STAC: variants seen among roughly 807,000 people sequenced by gnomAD.
STAC encodes the protein SH3 and cysteine rich domain, also known as SH3 and cysteine-rich domain-containing protein.
A neutral mutation model predicts 48.8 loss-of-function variants in STAC; 43 were observed. That is an observed-to-expected ratio of 0.88 (90% confidence interval 0.69 to 1.14). STAC has a LOEUF of 1.14. Ranked by LOEUF, STAC falls within the 50% of genes most tolerant of loss-of-function variation. The pLI is 0.00. For synonymous variants in STAC, 193 were observed against 179.5 expected (o/e 1.07, Z -0.60); for missense variants, 497 against 504.0 (o/e 0.99, Z 0.13).
chr3:36,430,165 A>C (rs1700665430), intron 1 of STAC, among the ~76,000 whole-genome samples: 1 of 152,228 alleles, frequency 6.6e-6, no homozygotes, highest in Admixed American at 6.5e-5. Context: ...TACTCAACAT[A>C]GAATGCCTAT....
At position 36,526,003 on chromosome 3, in the gene STAC, C is replaced by T. The variant is rs79681952; in HGVS notation, c.921-2693C>T. 1.7e-4 allele frequency among the ~76,000 whole-genome samples: 26 copies of T among 152,272 alleles called. No homozygotes were observed. In the East Asian group the frequency reaches 4.8e-3, roughly 28 times the overall value. On this transcript the variant is annotated intron_variant, in intron 8 of 10. Transcript: ENST00000273183. The stretch of plus-strand genomic sequence containing the variant: ...AGAAAATACATTTTTTTTAACACAT[C>T]TATAACAGTACTAGAAAACAAGAAC...
intron 1 of STAC, among the ~76,000 whole-genome samples, chr3:36,415,759 G>A (rs766809883): frequency 2.6e-5 from 4 of 152,104 alleles, no homozygotes; most frequent in African/African-American, 4.8e-5. Flanking sequence ...TCTTGGAACC[G>A]CCCTAGATAT....
chr3:36,420,818 T>C (rs1317039773), intron 1 of STAC, among the ~76,000 whole-genome samples: 1 of 152,250 alleles, frequency 6.6e-6, no homozygotes, highest in Non-Finnish European at 1.5e-5. Flanking sequence ...ATCTGTTTCA[T>C]TAAGTATTTG....
intron 2 of STAC, among the ~76,000 whole-genome samples, chr3:36,479,121 A>G (rs756904462): frequency 6.6e-6 from 1 of 152,076 alleles, no homozygotes; most frequent in Non-Finnish European, 1.5e-5. Flanking sequence ...CATTTTTCTG[A>G]GTCATATTCT....
chr3:36,460,102 A>G (rs1416824051), intron 2 of STAC, among the ~76,000 whole-genome samples: 1 of 152,082 alleles, frequency 6.6e-6, no homozygotes, highest in Non-Finnish European at 1.5e-5. Flanking sequence ...TAGTTCTTCT[A>G]TGCAAAGGAA....
At chr3:36,433,955 A>G (rs1030626272) in intron 1 of STAC, among the ~76,000 whole-genome samples, 4 of 152,378 alleles carry the variant, frequency 2.6e-5, no homozygotes, top group Non-Finnish European at 5.9e-5. Context: ...ACTAAAGCAA[A>G]TCAGTACCTG....
At chr3:36,481,235 G>T (rs1697638137) in intron 2 of STAC, among the ~76,000 whole-genome samples, 1 of 152,188 alleles carries the variant, frequency 6.6e-6, no homozygotes, top group African/African-American at 2.4e-5. Flanking sequence ...GGATTGGCCT[G>T]AGATTAAGTT....
chr3:36,473,308 A>C (rs1697393727), intron 2 of STAC, among the ~76,000 whole-genome samples: 1 of 152,094 alleles, frequency 6.6e-6, no homozygotes, highest in Non-Finnish European at 1.5e-5. Context: ...CAGGCAAACC[A>C]TATAGCCTGT....
At chr3:36,529,135 T>C in intron 10 of STAC, 150 bp downstream of exon 10, 2 of 831,502 alleles carry the variant, frequency 2.4e-6, no homozygotes, top group Non-Finnish European at 3.4e-6. Flanking sequence ...GATGTCAGTG[T>C]TGTAGGAGCT....
rs567404323 is a variant in STAC at position 36,451,166 on chromosome 3, T to A, written c.388+7526T>A. The stretch of plus-strand genomic sequence containing the variant: ...TACTGTGTTTCACATGTGGTTTCTG[T>A]GTTCTTTCTTTTTAATAGCTTCTCA... On this transcript the variant is annotated intron_variant, in intron 2 of 10. Transcript: ENST00000273183. Among the ~76,000 whole-genome samples the A allele has an allele frequency of 1.3e-4, 20 of 152,322 alleles. No individual in the cohort carries two copies. The South Asian group carries it at 4.1e-3, about 32-fold the overall frequency.
chr3:36,428,097 G>A (rs1341272224), intron 1 of STAC, among the ~76,000 whole-genome samples: 1 of 152,114 alleles, frequency 6.6e-6, no homozygotes, highest in Admixed American at 6.6e-5. Flanking sequence ...GCTATGAAAG[G>A]TGTTATTAGT....
At position 36,529,077 on chromosome 3, in the gene STAC, G is replaced by A. The variant is rs1699006373; in HGVS notation, c.1110+92G>A. The A allele has an allele frequency of 4.0e-6, 5 of 1,240,846 alleles. No homozygotes were observed. The South Asian group carries it at 6.2e-5, about 15-fold the overall frequency. The allele number at this position is 1,240,846 out of a possible 1,614,324, so 76.9% of individuals were successfully genotyped here. A position where few individuals can be genotyped will look rare whatever the true frequency, so the allele number is the denominator to read the frequency against. On this transcript the variant is annotated intron_variant, in intron 10 of 10. Coordinates refer to ENST00000273183, the MANE Select transcript of STAC (RefSeq NM_003149.3). ...AATATGTATAAATCTGAATGAGTGG[G>A]GTCACATTCAAAGTATTCACTTTGA...
chr3:36,381,611 T>C (rs1699510981), intron 1 of STAC, among the ~76,000 whole-genome samples: 3 of 152,202 alleles, frequency 2.0e-5, no homozygotes, highest in Admixed American at 2.0e-4. Flanking sequence ...TTGGGGAATG[T>C]GAGGCAGTCC....
At chr3:36,531,163 T>C (rs1396589866) in intron 10 of STAC, among the ~76,000 whole-genome samples, 5 of 152,180 alleles carry the variant, frequency 3.3e-5, no homozygotes, top group Non-Finnish European at 7.3e-5. Context: ...GGTTACTGAT[T>C]TGGTACCACG....
intron 1 of STAC, among the ~76,000 whole-genome samples, chr3:36,431,634 C>T (rs752177766): frequency 6.6e-6 from 1 of 152,160 alleles, no homozygotes; most frequent in Non-Finnish European, 1.5e-5. Flanking sequence ...TTGCCCAAAA[C>T]ATCAATGAGC....
At chr3:36,502,869 G>A (rs1424754112) in intron 6 of STAC, among the ~76,000 whole-genome samples, 1 of 152,172 alleles carries the variant, frequency 6.6e-6, no homozygotes, top group Non-Finnish European at 1.5e-5. Context: ...ACAAACCAGA[G>A]CTCCACCAAT....
At chr3:36,527,808 A>T (rs1698971318) in intron 8 of STAC, among the ~76,000 whole-genome samples, 1 of 152,162 alleles carries the variant, frequency 6.6e-6, no homozygotes, top group Non-Finnish European at 1.5e-5. Context: ...AACCCAAGTA[A>T]TTCTTGATGA....
chr3:36,425,837 G>A (rs916807360), intron 1 of STAC, among the ~76,000 whole-genome samples: 2 of 152,104 alleles, frequency 1.3e-5, no homozygotes. Context: ...AACTAGGCTG[G>A]GCAACATGGT....
chr3:36,491,081 C>T (rs922091235), intron 5 of STAC, among the ~76,000 whole-genome samples: 1 of 152,196 alleles, frequency 6.6e-6, no homozygotes, highest in African/African-American at 2.4e-5. Context: ...AAAATAGAAA[C>T]ATTGATTGGT....
Sources: gnomAD v4.1 joint callset for allele counts (sites outside exome capture counted in the v4.1 genomes callset) on GRCh38, gnomAD v4.1.1 for gene constraint, MANE v1.5 for transcripts, NCBI Gene and HGNC (gene_info 2026-07-23, HGNC 2026-07-21) for gene names.